Variants in RWDD3 observed in about 807,000 individuals in gnomAD.
RWDD3 encodes RWD domain containing 3, also known as RWD domain-containing protein 3.
A neutral mutation model predicts 26.5 loss-of-function variants in RWDD3; 30 were observed. The ratio of observed to expected loss-of-function variants is 1.13; its 90% confidence interval spans 0.85 to 1.54. The LOEUF is 1.54. Ranked by LOEUF, RWDD3 falls within the 40% of genes most tolerant of loss-of-function variation. The pLI is 0.00. For missense variants in RWDD3, 296 were observed against 309.1 expected (o/e 0.96, Z 0.32); for synonymous variants, 113 against 114.5 (o/e 0.99, Z 0.09).
Position 95,234,222 on chromosome 1 carries a change from C to T in RWDD3, c.-9C>T, listed in dbSNP as rs1320180791. 6 of 1,579,310 alleles carry T rather than the reference C, an allele frequency of 3.8e-6. No homozygotes were observed. Among genetic ancestry groups the T allele is most frequent in the Middle Eastern group, 2.0e-4 (1 of 5,090 alleles). Reference sequence around the variant, plus strand: ...AAGGGGAAGCGCTGAGGCGGTGGGGCCCACAGCCATGGCGGAGCCTGTGCA... The same window carrying T: ...AAGGGGAAGCGCTGAGGCGGTGGGGTCCACAGCCATGGCGGAGCCTGTGCA... On this transcript the variant is annotated 5_prime_UTR_variant, in exon 1 of 4. Coordinates refer to ENST00000370202, the MANE Select transcript of RWDD3 (RefSeq NM_015485.5).
chr1:95,234,553 G>A (rs1680200046), intron 1 of RWDD3, among the ~76,000 whole-genome samples: 1 of 152,018 alleles, frequency 6.6e-6, no homozygotes, highest in Admixed American at 6.5e-5. Context: ...TCTGCCGCCG[G>A]TCCCGCTCCC....
chr1:95,246,542 G>A lies in RWDD3; in HGVS notation c.574G>A (p.Glu192Lys). ...TTTAATGTACTGATTTATTATTTAG[G>A]AGTACTTGATTCTTCAGAAAACCTC... Reference protein sequence around the residue: ...LLQGDRNNLKEYLILQKTSKV... With the variant: ...LLQGDRNNLKKYLILQKTSKV... Residue 192 changes from glutamate to lysine, a missense_variant and splice_region_variant, in exon 3 of 4, where the codon GAG becomes AAG. Glu to Lys is a moderately conservative substitution (Grantham distance 56, BLOSUM62 1). Coordinates refer to ENST00000370202, the MANE Select transcript of RWDD3 (RefSeq NM_015485.5). 6.5e-7 allele frequency: 1 copy of A among 1,537,164 alleles called. No individual in the cohort carries two copies. The highest frequency in any genetic ancestry group is 2.3e-5 in the East Asian group (1 of 44,402).
intron 1 of RWDD3, among the ~76,000 whole-genome samples, chr1:95,242,536 T>C (rs894591068): frequency 1.2e-4 from 19 of 152,264 alleles, no homozygotes; most frequent in Non-Finnish European, 4.4e-5. Context: ...TTGTCTGCAG[T>C]TCTATTTGTA....
At chr1:95,239,047 C>CT (rs1680493110) in intron 1 of RWDD3, among the ~76,000 whole-genome samples, 1 of 152,112 alleles carries the variant, frequency 6.6e-6, no homozygotes, top group Non-Finnish European at 1.5e-5. Context: ...GGGCAAGACC[C>CT]TTTTGGTAGG....
chr1:95,234,202 G>A, upstream of RWDD3: 2 of 1,561,778 alleles, frequency 1.3e-6, no homozygotes, highest in Non-Finnish European at 1.7e-6. Flanking sequence ...AGCGGAAGGG[G>A]AAGCGCTGAG....
intron 2 of RWDD3, among the ~76,000 whole-genome samples, chr1:95,245,703 C>T (rs868860108): frequency 3.6e-4 from 55 of 152,142 alleles, no homozygotes; most frequent in African/African-American, 1.3e-3. Context: ...ATATCTATAA[C>T]GTTTGATCCT....
chr1:95,235,440 G>C (rs1415800092), intron 1 of RWDD3, among the ~76,000 whole-genome samples: 78 of 114,350 alleles, frequency 6.8e-4, no homozygotes, highest in East Asian at 3.5e-3. Context: ...CTCACTGCAA[G>C]CTCCACCTCC....
chr1:95,244,286 T>C lies in RWDD3; in HGVS notation c.161T>C (p.Val54Ala). ...GATGTGGATATACCTCTGGAATTGG[T>C]GTTCCATTTGCCAGTCAATTATCCT... is the stretch of plus-strand genomic sequence containing the variant. The part of the protein sequence containing the change: ...FMDVDIPLEL[V>A]FHLPVNYPSC... Residue 54 changes from valine to alanine, a missense_variant, in exon 2 of 4, where the codon GTG becomes GCG. Transcript: ENST00000370202. 6.2e-7 allele frequency: 1 copy of C among 1,614,210 alleles called. No homozygotes were observed. The highest frequency in any genetic ancestry group is 8.5e-7 in the Non-Finnish European group (1 of 1,180,034).
chr1:95,244,546 A>G lies in RWDD3; in HGVS notation c.421A>G (p.Ile141Val), dbSNP rs1478628270. Reference sequence around the variant, plus strand: ...CACGACCATGGATGATGGATTGTGGATAACTCTTTTGCATTTAGATCACAT... The same window carrying G: ...CACGACCATGGATGATGGATTGTGGGTAACTCTTTTGCATTTAGATCACAT... ...TSTTMDDGLW[I>V]TLLHLDHMRA... The change falls in exon 2 of 4, where the codon ATA (isoleucine) becomes GTA (valine). Residue 141 changes from isoleucine (I) to valine (V), a missense_variant. Coordinates refer to ENST00000370202, the MANE Select transcript of RWDD3 (RefSeq NM_015485.5). 3 of 1,614,204 alleles carry G rather than the reference A, an allele frequency of 1.9e-6. No individual in the cohort carries two copies. The highest frequency in any genetic ancestry group is 1.1e-5 in the South Asian group (1 of 91,090).
At chr1:95,240,118 C>G (rs189111387) in intron 1 of RWDD3, among the ~76,000 whole-genome samples, 1 of 152,188 alleles carries the variant, frequency 6.6e-6, no homozygotes, top group Non-Finnish European at 1.5e-5. Flanking sequence ...ACTCCCCTCT[C>G]GAAATCGTTA....
intron 1 of RWDD3, among the ~76,000 whole-genome samples, 173 bp downstream of exon 1, chr1:95,234,488 G>C (rs72966572): frequency 0.22 from 32,817 of 151,968 alleles, 3,961 homozygotes; most frequent in East Asian, 0.36. Flanking sequence ...CGCAGCGGGC[G>C]GGAGTGTGAG....
intron 1 of RWDD3, chr1:95,239,914 GTGTT>G (rs1304919653): frequency 4.7e-6 from 6 of 1,289,616 alleles, no homozygotes; most frequent in Admixed American, 2.3e-5. Context: ...GACCCGGTAG[GTGTT>G]TATATGGCAC....
chr1:95,244,400 A>G lies in RWDD3; in HGVS notation c.275A>G (p.Glu92Gly). The change falls in exon 2 of 4, where the codon GAG becomes GGG. Residue 92 changes from glutamate (E) to glycine (G), a missense_variant. Glu to Gly is a moderately conservative substitution (Grantham distance 98, BLOSUM62 -2). Transcript: ENST00000370202. ...TVKENLLEQA[E>G]SLLSEPMVHE... ...AAAGAGAATTTACTTGAGCAAGCAG[A>G]GAGCCTTTTGTCGGAGCCTATGGTT... The G allele has an allele frequency of 6.2e-7, 1 of 1,614,202 alleles. No individual in the cohort carries two copies.
chr1:95,243,722 C>T (rs1189985852), intron 1 of RWDD3, among the ~76,000 whole-genome samples: 1 of 152,202 alleles, frequency 6.6e-6, no homozygotes, highest in Non-Finnish European at 1.5e-5. Flanking sequence ...TCATCAGTTT[C>T]TCTGCAACCC....
rs115694457 is a variant in RWDD3, at chr1:95,238,036, T to C, written c.85+3721T>C. ...AGGGGAGTGTTTGTGCATGTATGTGTGGATCTATGAGAGGCGTGAGATTGG... is the reference window on the plus strand; with the variant it reads ...AGGGGAGTGTTTGTGCATGTATGTGCGGATCTATGAGAGGCGTGAGATTGG... On this transcript the variant is annotated intron_variant, in intron 1 of 3. Coordinates refer to ENST00000370202, the MANE Select transcript of RWDD3 (RefSeq NM_015485.5). Among the ~76,000 whole-genome samples the C allele has an allele frequency of 1.6e-3, 248 of 152,334 alleles. 1 individual carries two copies. Among genetic ancestry groups the C allele is most frequent in the Non-Finnish European group, 2.8e-3 (189 of 68,028 alleles).
intron 2 of RWDD3, chr1:95,244,928 A>C: frequency 2.0e-6 from 1 of 491,248 alleles, no homozygotes; most frequent in Non-Finnish European, 3.5e-6. Context: ...AAATCATGTC[A>C]CTTAATAAAG....
Position 95,241,605 on chromosome 1 carries a change from A to G in RWDD3, c.86-2606A>G, listed in dbSNP as rs150946765. Among the ~76,000 whole-genome samples the G allele has an allele frequency of 5.1e-3, 783 of 152,328 alleles. 5 individuals are homozygous for G. Among genetic ancestry groups the G allele is most frequent in the Non-Finnish European group, 8.8e-3 (601 of 68,032 alleles). On this transcript the variant is annotated intron_variant, in intron 1 of 3. Transcript: ENST00000370202. The stretch of plus-strand genomic sequence containing the variant: ...TATGCAAAAGTCCTTGAACAAAGAT[A>G]TTAATGCCCTTTGCTCAGAAGGCAT...
At chr1:95,234,165 C>G (rs1464222807), upstream of RWDD3, 1 of 1,509,018 alleles carries the variant, frequency 6.6e-7, no homozygotes, top group Admixed American at 2.0e-5. Context: ...AGTGCTGCTC[C>G]TGGCCGGTGG....
At chr1:95,238,061 G>T (rs923828598) in intron 1 of RWDD3, among the ~76,000 whole-genome samples, 1 of 152,118 alleles carries the variant, frequency 6.6e-6, no homozygotes, top group African/African-American at 2.4e-5. Context: ...CGTGAGATTG[G>T]TATTGTATCA....
Sources: gnomAD v4.1 joint callset for allele counts (sites outside exome capture counted in the v4.1 genomes callset) on GRCh38, gnomAD v4.1.1 for gene constraint, MANE v1.5 for transcripts, NCBI Gene and HGNC (gene_info 2026-07-23, HGNC 2026-07-21) for gene names.